POC1B: variants seen among roughly 807,000 people sequenced by gnomAD.
POC1B encodes POC1 centriolar protein homolog B.
Under a neutral mutation model 60.6 loss-of-function variants are expected in POC1B, and 44 were observed. The observed-to-expected ratio is 0.73, with a 90% CI of 0.57 to 0.93. The LOEUF is 0.93. Among genes scored for constraint, POC1B ranks in the 40% least tolerant of loss-of-function variants. POC1B has a pLI of 0.00. For synonymous variants in POC1B, 180 were observed against 198.9 expected, an observed-to-expected ratio of 0.90 and a Z score of 0.80; for missense variants, 555 against 572.3, an observed-to-expected ratio of 0.97 and a Z score of 0.31.
At chr12:89,477,778 C>G (rs546896080) in intron 4 of POC1B, among the ~76,000 whole-genome samples, 21 of 152,186 alleles carry the variant, frequency 1.4e-4, no homozygotes, top group African/African-American at 4.3e-4. Flanking sequence ...GGTGGTTTCA[C>G]GTTTCCTTTG....
intron 2 of POC1B, chr12:89,524,769 T>C (rs1028753069): frequency 4.8e-6 from 3 of 631,522 alleles, no homozygotes; most frequent in African/African-American, 3.7e-5. Context: ...TACTTCCTCC[T>C]GCTCGGCTCA....
At chr12:89,501,445 C>T in intron 2 of POC1B, 2 of 956,708 alleles carry the variant, frequency 2.1e-6, no homozygotes, top group South Asian at 1.4e-5. Context: ...ACATATGTCA[C>T]ATATTACCCA....
chr12:89,469,920 T>C lies in POC1B; in HGVS notation c.810+441A>G, dbSNP rs901176372. On this transcript the variant is annotated intron_variant, in intron 7 of 11. Transcript: ENST00000313546. ...GTCTTGCTCTGTTGCCGGGCTGGAG[T>C]GCAGTGGTGCAATCTCAGCTCACTG... Among the ~76,000 whole-genome samples the C allele has an allele frequency of 5.9e-5, 9 of 151,874 alleles. No individual in the cohort carries two copies. In the East Asian group the frequency reaches 7.7e-4, roughly 13 times the overall value.
chr12:89,489,226 T>A (rs1868816685), intron 4 of POC1B, among the ~76,000 whole-genome samples: 1 of 152,198 alleles, frequency 6.6e-6, no homozygotes, highest in Non-Finnish European at 1.5e-5. Flanking sequence ...ATCCAGATAT[T>A]TACTCATTTG....
At chr12:89,504,412 T>C (rs1336931042) in intron 2 of POC1B, among the ~76,000 whole-genome samples, 1 of 152,090 alleles carries the variant, frequency 6.6e-6, no homozygotes, top group African/African-American at 2.4e-5. Context: ...GGCAGCATGC[T>C]CCTTAAGAGT....
chr12:89,501,062 T>C (rs998925679), intron 2 of POC1B: 10 of 1,098,206 alleles, frequency 9.1e-6, no homozygotes, highest in Middle Eastern at 2.5e-4. Context: ...GGGATTACTA[T>C]ACCAAGAAAG....
chr12:89,524,585 C>G, intron 2 of POC1B: 1 of 1,606,218 alleles, frequency 6.2e-7, no homozygotes, highest in Non-Finnish European at 8.5e-7. Flanking sequence ...ACGCGGCCAC[C>G]AAGCCACCAC....
At chr12:89,483,978 G>A (rs1004143528) in intron 4 of POC1B, among the ~76,000 whole-genome samples, 3 of 152,112 alleles carry the variant, frequency 2.0e-5, no homozygotes, top group Non-Finnish European at 4.4e-5. Flanking sequence ...GTGAGCTTAC[G>A]CCATATGCAG....
downstream of POC1B, among the ~76,000 whole-genome samples, chr12:89,417,804 T>A (rs557060917): frequency 6.6e-5 from 10 of 152,334 alleles, no homozygotes; most frequent in South Asian, 2.1e-3. Context: ...ATCACAGATA[T>A]CCTGAGGACT....
At chr12:89,523,557 C>G in intron 2 of POC1B, 3 of 1,598,240 alleles carry the variant, frequency 1.9e-6, no homozygotes, top group Non-Finnish European at 2.6e-6. Context: ...CCCACACTTC[C>G]ATTCCTGTGT....
chr12:89,506,061 G>A (rs1277778981), intron 2 of POC1B, among the ~76,000 whole-genome samples: 1 of 152,198 alleles, frequency 6.6e-6, no homozygotes, highest in Non-Finnish European at 1.5e-5. Flanking sequence ...TACAGGTTGG[G>A]GTGGACATAG....
At chr12:89,471,472 G>C in intron 6 of POC1B, 142 bp downstream of exon 6, 2 of 578,202 alleles carry the variant, frequency 3.5e-6, no homozygotes, top group Non-Finnish European at 6.0e-6. Flanking sequence ...CTGTTGATGG[G>C]AGCTAATTAT....
At chr12:89,485,693 C>A (rs770219857) in intron 4 of POC1B, among the ~76,000 whole-genome samples, 18 of 152,184 alleles carry the variant, frequency 1.2e-4, no homozygotes, top group Admixed American at 5.2e-4. Context: ...ACATAAACAT[C>A]TCCATGTAAA....
chr12:89,416,033 TAGAA>T (rs2120615494), downstream of POC1B, among the ~76,000 whole-genome samples: 1 of 152,350 alleles, frequency 6.6e-6, no homozygotes, highest in South Asian at 2.1e-4. Context: ...AGCAATGTTT[TAGAA>T]AGAAACACTT....
chr12:89,419,663 T>A (rs1347678494), downstream of POC1B: 1 of 152,208 alleles, frequency 6.6e-6, no homozygotes, highest in Non-Finnish European at 1.5e-5. Flanking sequence ...GTGAGCTGGA[T>A]GATAAGATGT....
rs1882702668 is a variant in POC1B at position 89,466,807 on chromosome 12, G to A, written c.995C>T (p.Thr332Ile). The A allele has an allele frequency of 1.2e-6, 2 of 1,613,008 alleles. No individual in the cohort carries two copies. The highest frequency in any genetic ancestry group is 1.7e-6 in the Non-Finnish European group (2 of 1,179,270). Reference sequence around the variant, plus strand: ...AACTTTTTCCTCATGGGGATGTGGTGTTCTTGGGTAGATATCAAGAAGATG... The same window carrying A: ...AACTTTTTCCTCATGGGGATGTGGTATTCTTGGGTAGATATCAAGAAGATG... ...PPHLLDIYPR[T>I]PHPHEEKVET... The change falls in exon 9 of 12, where the codon ACA becomes ATA. Residue 332 changes from threonine to isoleucine, a missense_variant. Transcript: ENST00000313546.
At chr12:89,450,075 G>C (rs1881978901) in intron 10 of POC1B, among the ~76,000 whole-genome samples, 1 of 152,026 alleles carries the variant, frequency 6.6e-6, no homozygotes, top group South Asian at 2.1e-4. Flanking sequence ...TCTTTGCATA[G>C]AATCCAAACA....
intron 3 of POC1B, among the ~76,000 whole-genome samples, chr12:89,494,774 G>A (rs1396117718): frequency 6.6e-6 from 1 of 152,180 alleles, no homozygotes; most frequent in Non-Finnish European, 1.5e-5. Flanking sequence ...CTGCTGGAGA[G>A]ACGGCACATG....
chr12:89,415,892 A>T (rs558105691), downstream of POC1B, among the ~76,000 whole-genome samples: 1 of 152,344 alleles, frequency 6.6e-6, no homozygotes, highest in African/African-American at 2.4e-5. Flanking sequence ...CTGCTGAGCT[A>T]TCTAACAACT....
Sources: allele counts gnomAD v4.1 joint callset (sites outside exome capture counted in the v4.1 genomes callset), GRCh38; gene constraint gnomAD v4.1.1; transcripts MANE v1.5; gene names NCBI Gene and HGNC (gene_info 2026-07-23, HGNC 2026-07-21).